Variants in FBXL17 observed in about 807,000 individuals in gnomAD.
FBXL17 encodes the protein F-box/LRR-repeat protein 17.
FBXL17 carries 22 observed loss-of-function variants against 66.2 expected under a neutral mutation model. That is an observed-to-expected ratio of 0.33 (90% CI 0.24 to 0.47). FBXL17 has a LOEUF of 0.47. FBXL17 is among the 20% of genes least tolerant of loss of function. The probability of loss-of-function intolerance (pLI) is 1.00; values close to 1 mark genes in which losing one functional copy is unlikely to be tolerated. For missense variants in FBXL17, 878 were observed against 948.2 expected (o/e 0.93, Z 0.97); for synonymous variants, 474 against 400.5 (o/e 1.18, Z -2.19).
chr5:108,075,484 G>A (rs1010921381), intron 6 of FBXL17, among the ~76,000 whole-genome samples: 1 of 152,092 alleles, frequency 6.6e-6, no homozygotes, highest in African/African-American at 2.4e-5. Context: ...CGTGTTGTTT[G>A]TTTTGTTTTG....
At chr5:107,953,264 C>T (rs975153086) in intron 7 of FBXL17, among the ~76,000 whole-genome samples, 3 of 151,924 alleles carry the variant, frequency 2.0e-5, no homozygotes, top group South Asian at 2.1e-4. Context: ...ATTAGCCGGG[C>T]GTGCTGGCGG....
At chr5:108,234,094 TAGA>T (rs1319652339) in intron 4 of FBXL17, among the ~76,000 whole-genome samples, 1 of 152,090 alleles carries the variant, frequency 6.6e-6, no homozygotes, top group Non-Finnish European at 1.5e-5. Flanking sequence ...AACTCTTGGC[TAGA>T]AGAAGGATAA....
At chr5:108,260,385 C>T (rs112621910) in intron 4 of FBXL17, among the ~76,000 whole-genome samples, 7 of 152,162 alleles carry the variant, frequency 4.6e-5, no homozygotes, top group African/African-American at 1.7e-4. Context: ...ATTCACATTA[C>T]CACACAGGGT....
At chr5:108,185,580 T>C (rs79972333) in intron 6 of FBXL17, among the ~76,000 whole-genome samples, 2,402 of 152,136 alleles carry the variant, frequency 0.016, 79 homozygotes, top group African/African-American at 0.054. Flanking sequence ...TGGGCTAATA[T>C]AGGCGCAGTG....
At chr5:108,304,948 T>C (rs1202817122) in intron 4 of FBXL17, among the ~76,000 whole-genome samples, 1 of 152,088 alleles carries the variant, frequency 6.6e-6, no homozygotes, top group Non-Finnish European at 1.5e-5. Flanking sequence ...AACTTTTGTA[T>C]TAGAAACTGA....
intron 1 of FBXL17, among the ~76,000 whole-genome samples, chr5:108,372,644 G>T (rs982673492): frequency 1.3e-5 from 2 of 152,146 alleles, no homozygotes; most frequent in African/African-American, 4.8e-5. Flanking sequence ...AAAGGAAACT[G>T]TCAACCAAGA....
At chr5:107,994,294 GT>G (rs201619201) in intron 7 of FBXL17, among the ~76,000 whole-genome samples, 163 of 148,110 alleles carry the variant, frequency 1.1e-3, no homozygotes, top group Admixed American at 4.8e-3. Flanking sequence ...AATGAATAAT[GT>G]TTTTTTTTCT....
At chr5:108,070,590 C>G (rs575061510) in intron 6 of FBXL17, among the ~76,000 whole-genome samples, 1 of 152,284 alleles carries the variant, frequency 6.6e-6, no homozygotes, top group African/African-American at 2.4e-5. Flanking sequence ...AAACAGTACT[C>G]ATTAGTGTAA....
intron 6 of FBXL17, among the ~76,000 whole-genome samples, chr5:108,123,550 G>C (rs1750583689): frequency 1.3e-5 from 2 of 151,974 alleles, no homozygotes; most frequent in African/African-American, 4.8e-5. Context: ...TAAATCTTTA[G>C]TAAAGATATC....
chr5:108,275,076 A>T (rs899763673), intron 4 of FBXL17, among the ~76,000 whole-genome samples: 26 of 152,234 alleles, frequency 1.7e-4, no homozygotes, highest in Admixed American at 1.2e-3. Context: ...TCCACAAATA[A>T]CTAACTCAGA....
At chr5:108,113,753 T>G (rs1750132199) in intron 6 of FBXL17, among the ~76,000 whole-genome samples, 1 of 152,104 alleles carries the variant, frequency 6.6e-6, no homozygotes, top group South Asian at 2.1e-4. Context: ...AATTCTCTTT[T>G]CTTGTTAATC....
At chr5:107,990,395 T>A (rs1019182350) in intron 7 of FBXL17, among the ~76,000 whole-genome samples, 1 of 152,216 alleles carries the variant, frequency 6.6e-6, no homozygotes, top group African/African-American at 2.4e-5. Flanking sequence ...AAGATGTTTA[T>A]CATCATTTAT....
chr5:107,874,611 A>G (rs1238659495), intron 8 of FBXL17, among the ~76,000 whole-genome samples: 1 of 152,006 alleles, frequency 6.6e-6, no homozygotes, highest in African/African-American at 2.4e-5. Flanking sequence ...CAACCATTTC[A>G]CCTCTTTTAT....
intron 5 of FBXL17, among the ~76,000 whole-genome samples, chr5:108,207,541 C>T (rs1478152689): frequency 2.6e-5 from 4 of 152,102 alleles, no homozygotes; most frequent in African/African-American, 4.8e-5. Context: ...CATGTGTTCT[C>T]ATTGTTCAAC....
chr5:108,262,686 C>T (rs889605637), intron 4 of FBXL17, among the ~76,000 whole-genome samples: 9 of 151,898 alleles, frequency 5.9e-5, no homozygotes, highest in African/African-American at 1.9e-4. Context: ...AAATATGGGC[C>T]CACTTCACTT....
At chr5:108,097,527 A>C (rs1471517998) in intron 6 of FBXL17, among the ~76,000 whole-genome samples, 2 of 152,004 alleles carry the variant, frequency 1.3e-5, no homozygotes, top group Admixed American at 6.6e-5. Flanking sequence ...GTGGTGGCTC[A>C]CGCCTGTAAT....
At chr5:108,118,508 T>A (rs1381313222) in intron 6 of FBXL17, among the ~76,000 whole-genome samples, 1 of 152,206 alleles carries the variant, frequency 6.6e-6, no homozygotes, top group East Asian at 1.9e-4. Context: ...CTTAAGTTCA[T>A]CCTTTCCTTT....
chr5:108,280,911 A>G (rs907587947), intron 4 of FBXL17, among the ~76,000 whole-genome samples: 3 of 151,340 alleles, frequency 2.0e-5, no homozygotes, highest in African/African-American at 2.4e-5. Context: ...AAAAACAGTA[A>G]AAAGAGAAAG....
intron 6 of FBXL17, among the ~76,000 whole-genome samples, chr5:108,181,115 T>C (rs1274429250): frequency 6.6e-6 from 1 of 152,208 alleles, no homozygotes; most frequent in African/African-American, 2.4e-5. Flanking sequence ...ACCAGTTTTT[T>C]ACACATCAGC....
Sources: allele counts gnomAD v4.1 joint callset (sites outside exome capture counted in the v4.1 genomes callset), GRCh38; gene constraint gnomAD v4.1.1; transcripts MANE v1.5; gene names NCBI Gene and HGNC (gene_info 2026-07-23, HGNC 2026-07-21).